Variants in NRXN3 observed in about 807,000 individuals in gnomAD.
NRXN3 encodes neurexin III.
Under a neutral mutation model 137.6 loss-of-function variants are expected in NRXN3, and 32 were observed. That is an observed-to-expected ratio of 0.23 (90% CI 0.18 to 0.31). The LOEUF is 0.31. NRXN3 is among the 10% of genes least tolerant of loss of function. The probability of loss-of-function intolerance (pLI) is 1.00; values close to 1 mark genes in which losing one functional copy is unlikely to be tolerated. For synonymous variants in NRXN3, 798 were observed against 784.5 expected (o/e 1.02, Z -0.29); for missense variants, 1,574 against 2,062.5 (o/e 0.76, Z 4.59).
chr14:79,256,359 T>TTGTCATTAGTCAG (rs1305172289), intron 15 of NRXN3, among the ~76,000 whole-genome samples: 1 of 152,224 alleles, frequency 6.6e-6, no homozygotes. Context: ...ATAATTACTG[T>TTGTCATTAGTCAG]TGTCATTAGT....
chr14:78,750,360 G>A (rs2152950179), intron 8 of NRXN3, among the ~76,000 whole-genome samples: 1 of 152,296 alleles, frequency 6.6e-6, no homozygotes, highest in South Asian at 2.1e-4. Flanking sequence ...GGAACCTCAA[G>A]TTTGGAGGAA....
At chr14:79,129,391 T>A (rs1265118483) in intron 15 of NRXN3, among the ~76,000 whole-genome samples, 1 of 151,120 alleles carries the variant, frequency 6.6e-6, no homozygotes, top group Non-Finnish European at 1.5e-5. Context: ...TTGTTCTCGT[T>A]GGTTTCAAAG....
chr14:79,578,375 T>C (rs1041419833), intron 16 of NRXN3, among the ~76,000 whole-genome samples: 2 of 152,008 alleles, frequency 1.3e-5, no homozygotes, highest in Admixed American at 6.6e-5. Flanking sequence ...TTTTTGGAGG[T>C]TGGGTGGGTG....
chr14:78,682,429 A>G (rs1388284530), intron 6 of NRXN3, among the ~76,000 whole-genome samples: 1 of 151,188 alleles, frequency 6.6e-6, no homozygotes, highest in Non-Finnish European at 1.5e-5. Context: ...TAAAAGCCCC[A>G]AGGAACCAAG....
Position 78,838,820 on chromosome 14 carries a change from T to A in NRXN3, c.2275+28476T>A, listed in dbSNP as rs1474851200. On this transcript the variant is annotated intron_variant, in intron 10 of 20. Transcript: ENST00000335750. ...CTAATATGCTGTTCAACTGAGATTC[T>A]TTCTGGCCAAGAGCTGTGCAGGGGT... Among the ~76,000 whole-genome samples, 3 of 152,140 alleles carry A rather than the reference T, an allele frequency of 2.0e-5. No individual in the cohort carries two copies. The East Asian group carries it at 5.8e-4, about 29-fold the overall frequency.
chr14:78,817,924 TATA>T (rs940652715), intron 10 of NRXN3, among the ~76,000 whole-genome samples: 1 of 152,148 alleles, frequency 6.6e-6, no homozygotes, highest in African/African-American at 2.4e-5. Flanking sequence ...GATATATGGA[TATA>T]AACAAAGTTA....
rs958593066 is a variant in NRXN3 at position 79,698,063 on chromosome 14, A to G, written c.4014+126A>G. ...GTAAGAAGGATGCTGGCAGATACTC[A>G]TAGTAATGAGACCCAGGAGAAGAGA... On this transcript the variant is annotated intron_variant, in intron 19 of 20. Transcript: ENST00000335750. 9 of 839,288 alleles carry G rather than the reference A, an allele frequency of 1.1e-5. No individual in the cohort carries two copies. The Admixed American group carries it at 1.1e-4, about 10-fold the overall frequency. 52.0% of individuals were successfully genotyped at this position (839,288 alleles called of 1,614,324 possible). A position where few individuals can be genotyped will look rare whatever the true frequency, so the allele number is the denominator to read the frequency against.
intron 4 of NRXN3, among the ~76,000 whole-genome samples, chr14:78,373,102 C>T (rs1429023153): frequency 2.0e-5 from 3 of 152,206 alleles, no homozygotes; most frequent in African/African-American, 7.2e-5. Flanking sequence ...TAACCTTGTC[C>T]TGTTCAAACC....
At chr14:79,481,121 C>T (rs2096604161) in intron 16 of NRXN3, among the ~76,000 whole-genome samples, 1 of 145,558 alleles carries the variant, frequency 6.9e-6, no homozygotes, top group African/African-American at 2.4e-5. Flanking sequence ...ACTCCCTGTC[C>T]TCATGGTACT....
At chr14:79,588,381 G>T (rs1381852418) in intron 16 of NRXN3, among the ~76,000 whole-genome samples, 3 of 152,104 alleles carry the variant, frequency 2.0e-5, no homozygotes, top group African/African-American at 7.2e-5. Flanking sequence ...TCATTTTTTA[G>T]TCAAAGGATA....
chr14:79,642,610 A>T lies in NRXN3; in HGVS notation c.3445-21168A>T, dbSNP rs937106823. Among the ~76,000 whole-genome samples the T allele has an allele frequency of 7.1e-4, 96 of 134,608 alleles. 4 individuals carry two copies. The highest frequency in any genetic ancestry group is 2.3e-3 in the African/African-American group (92 of 40,624). 88.3% of individuals were successfully genotyped at this position (134,608 alleles called of 152,430 possible). A position where few individuals can be genotyped will look rare whatever the true frequency, so the allele number is the denominator to read the frequency against. ...TTGTAAAGGACATGGTTCTGTGGCC[A>T]GCCCTGCAAGATCTCCTTATCTGTT... On this transcript the variant is annotated intron_variant, in intron 16 of 20. Coordinates refer to ENST00000335750, the MANE Select transcript of NRXN3 (RefSeq NM_001330195.2).
intron 15 of NRXN3, among the ~76,000 whole-genome samples, chr14:79,044,698 A>AACAC (rs61363440): frequency 2.1e-4 from 32 of 150,112 alleles, no homozygotes; most frequent in African/African-American, 7.1e-4. Flanking sequence ...CTCAAAAGTG[A>AACAC]ACACACACAC....
chr14:78,208,973 T>G (rs1024189884), intron 1 of NRXN3, among the ~76,000 whole-genome samples: 2 of 149,516 alleles, frequency 1.3e-5, no homozygotes, highest in African/African-American at 4.8e-5. Context: ...ATATTGACAG[T>G]TAACTGAACT....
chr14:78,606,685 C>G (rs902364594), intron 4 of NRXN3, among the ~76,000 whole-genome samples: 2 of 152,158 alleles, frequency 1.3e-5, no homozygotes, highest in African/African-American at 4.8e-5. Context: ...GTTTAATGCT[C>G]CAGTTCCTGA....
At chr14:78,628,867 C>CA (rs1314175979) in intron 4 of NRXN3, among the ~76,000 whole-genome samples, 1 of 152,112 alleles carries the variant, frequency 6.6e-6, no homozygotes, top group African/African-American at 2.4e-5. Flanking sequence ...GCCTTTTACC[C>CA]AAAACAAACT....
At chr14:79,201,337 A>G (rs1010049201) in intron 15 of NRXN3, 3 of 152,192 alleles carry the variant, frequency 2.0e-5, no homozygotes, top group African/African-American at 7.2e-5. Context: ...AACTCAATTC[A>G]TATTTGCATG....
intron 15 of NRXN3, among the ~76,000 whole-genome samples, chr14:79,265,259 T>A (rs1419086259): frequency 6.6e-4 from 95 of 144,952 alleles, no homozygotes; most frequent in African/African-American, 2.4e-3. Flanking sequence ...TTTTTTTAAA[T>A]TTTCCTGATT....
chr14:79,002,499 G>A (rs933265501), intron 15 of NRXN3, among the ~76,000 whole-genome samples: 5 of 152,124 alleles, frequency 3.3e-5, no homozygotes, highest in Non-Finnish European at 7.4e-5. Flanking sequence ...TTAGTTTGCT[G>A]AGAATAATGG....
intron 15 of NRXN3, among the ~76,000 whole-genome samples, chr14:79,343,804 C>T (rs1486171244): frequency 6.6e-6 from 1 of 152,120 alleles, no homozygotes; most frequent in East Asian, 1.9e-4. Flanking sequence ...AGGAAAGAAT[C>T]CTTTTTCCCT....
Sources: allele counts gnomAD v4.1 joint callset (sites outside exome capture counted in the v4.1 genomes callset), GRCh38; gene constraint gnomAD v4.1.1; transcripts MANE v1.5; gene names NCBI Gene and HGNC (gene_info 2026-07-23, HGNC 2026-07-21).